Variants in KDR observed in about 807,000 individuals in gnomAD.
KDR encodes vascular endothelial growth factor receptor 2.
In KDR, 43 loss-of-function variants were observed where a neutral mutation model predicts 160.9. That is an observed-to-expected ratio of 0.27 (90% CI 0.21 to 0.34). KDR has a LOEUF of 0.34. KDR is among the 10% of genes least tolerant of loss of function. KDR has a pLI of 1.00. For missense variants in KDR, 1,469 were observed against 1,666.4 expected, an observed-to-expected ratio of 0.88 and a Z score of 2.06; for synonymous variants, 617 against 600.1, an observed-to-expected ratio of 1.03 and a Z score of -0.41.
At chr4:55,089,124 C>A in intron 25 of KDR, 151 bp from the exon 26 acceptor site, 1 of 729,296 alleles carries the variant, frequency 1.4e-6, no homozygotes. Flanking sequence ...GTCCCATACT[C>A]CAGAGGCTCA....
At position 55,110,700 on chromosome 4, in the gene KDR, T is replaced by G. The variant is rs1720558037; in HGVS notation, c.1045A>C (p.Arg349=). ...LVEATVGERV[R]IPAKYLGYPP... is the part of the protein sequence containing the mutation. ...TAACCAAGGTACTTCGCAGGGATTC[T>G]GACACGCTCCCCCACCGTGGCTTCC... The change falls in exon 8 of 30, where the codon AGA becomes CGA. Residue 349 remains arginine, a synonymous_variant. Coordinates refer to ENST00000263923, the MANE Select transcript of KDR (RefSeq NM_002253.4). 6 of 1,613,816 alleles carry G rather than the reference T, an allele frequency of 3.7e-6. No individual in the cohort carries two copies. The highest frequency in any genetic ancestry group is 5.1e-6 in the Non-Finnish European group (6 of 1,179,958).
chr4:55,106,567 T>G, intron 11 of KDR, 120 bp downstream of exon 11: 2 of 790,256 alleles, frequency 2.5e-6, no homozygotes, highest in South Asian at 3.0e-5. Context: ...AGTGACTTAA[T>G]ACGCTCTATT....
At chr4:55,099,298 G>C (rs1385861299) in intron 15 of KDR, among the ~76,000 whole-genome samples, 1 of 152,164 alleles carries the variant, frequency 6.6e-6, no homozygotes. Context: ...GGGATTACAG[G>C]CATAAGCCAC....
At chr4:55,090,857 T>C in intron 22 of KDR, among the ~76,000 whole-genome samples, 1 of 138,200 alleles carries the variant, frequency 7.2e-6, no homozygotes, top group African/African-American at 2.9e-5. Flanking sequence ...AACTTTTTTT[T>C]TTTTTTTTTT....
At chr4:55,096,506 T>C (rs1373214044) in intron 18 of KDR, 164 bp from the exon 19 acceptor site, 3 of 600,096 alleles carry the variant, frequency 5.0e-6, no homozygotes, top group Admixed American at 3.0e-5. Context: ...AAGTGTAAAT[T>C]CTATTTTCTA....
chr4:55,080,345 G>A (rs1460916501), intron 29 of KDR, among the ~76,000 whole-genome samples, 182 bp from the exon 30 acceptor site: 1 of 152,098 alleles, frequency 6.6e-6, no homozygotes. Context: ...TCAGGTACTC[G>A]CATGAATTAG....
At position 55,110,727 on chromosome 4, in the gene KDR, C is replaced by T. The variant is rs2110028076; in HGVS notation, c.1018G>A (p.Val340Met). The T allele has an allele frequency of 6.2e-7, 1 of 1,613,094 alleles. No homozygotes were observed. The highest frequency in any genetic ancestry group is 8.5e-7 in the Non-Finnish European group (1 of 1,179,844). ...VAFGSGMESL[V>M]EATVGERVRI... ...ACACGCTCCCCCACCGTGGCTTCCACCAGAGATTCCATGCCACTTCCAAAA... is the reference window on the plus strand; with the variant it reads ...ACACGCTCCCCCACCGTGGCTTCCATCAGAGATTCCATGCCACTTCCAAAA... The change falls in exon 8 of 30, where the codon GTG (valine) becomes ATG (methionine). Residue 340 changes from valine (V) to methionine (M), a missense_variant. Coordinates refer to ENST00000263923, the MANE Select transcript of KDR (RefSeq NM_002253.4).
rs192004692 is a variant in KDR at position 55,096,048 on chromosome 4, A to C, written c.2728+181T>G. ...GCATGACATTTCTTAATTCAGAGAA[A>C]GTTTTACAATAATTTAATTCTAGTG... On this transcript the variant is annotated intron_variant, in intron 19 of 29. Transcript: ENST00000263923. Among the ~76,000 whole-genome samples the C allele has an allele frequency of 7.4e-4, 113 of 152,324 alleles. No individual in the cohort carries two copies. In the Middle Eastern group the frequency reaches 0.01, roughly 14 times the overall value.
rs563532336 is a variant in KDR, at chr4:55,097,597, C to T, written c.2614+65G>A. ...ATAAGCACAAAGCTACTGATACAAG[C>T]CTTGCAACATATTTAAAGACTAGAT... On this transcript the variant is annotated intron_variant, in intron 18 of 29. Transcript: ENST00000263923. The T allele has an allele frequency of 5.7e-6, 6 of 1,055,270 alleles. No individual in the cohort carries two copies. The East Asian group carries it at 1.2e-4, about 21-fold the overall frequency. 65.4% of individuals were successfully genotyped at this position (1,055,270 alleles called of 1,614,324 possible). A position where few individuals can be genotyped will look rare whatever the true frequency, so the allele number is the denominator to read the frequency against.
intron 1 of KDR, among the ~76,000 whole-genome samples, chr4:55,123,706 T>C (rs1720954480): frequency 6.6e-6 from 1 of 152,326 alleles, no homozygotes; most frequent in Middle Eastern, 3.4e-3. Flanking sequence ...GAGGTACACA[T>C]GCTACTACTC....
In KDR at chr4:55,096,258, T is replaced by G; in HGVS notation, c.2699A>C (p.Asn900Thr). 1 of 1,613,416 alleles carries G rather than the reference T, an allele frequency of 6.2e-7. No homozygotes were observed. The highest frequency in any genetic ancestry group is 1.7e-5 in the Admixed American group (1 of 60,004). ...IHIGHHLNVVNLLGACTKPGG... is the reference protein window; with the variant it reads ...IHIGHHLNVVTLLGACTKPGG... ...TGGCTTGGTACAGGCACCTAGAAGG[T>G]TGACCACATTGAGATGGTGACCAAT... Residue 900 changes from asparagine (N) to threonine (T), a missense_variant, in exon 19 of 30, where the codon AAC becomes ACC. Asn to Thr is a moderately conservative substitution (Grantham distance 65). This residue lies in a region of KDR where 151 missense variants were observed against 207.2 expected (regional missense o/e 0.73). Transcript: ENST00000263923.
At chr4:55,081,336 A>G (rs908430883) in intron 29 of KDR, among the ~76,000 whole-genome samples, 5 of 152,188 alleles carry the variant, frequency 3.3e-5, no homozygotes, top group Admixed American at 1.3e-4. Context: ...CAGCAAATAC[A>G]TAACTACACT....
chr4:55,120,063 A>G (rs1720830035), intron 2 of KDR, among the ~76,000 whole-genome samples: 1 of 152,212 alleles, frequency 6.6e-6, no homozygotes, highest in Non-Finnish European at 1.5e-5. Context: ...GGAAAATCTA[A>G]TGGGAAATGT....
At chr4:55,107,605 G>A (rs1720476246) in intron 10 of KDR, 132 bp downstream of exon 10, 2 of 1,009,234 alleles carry the variant, frequency 2.0e-6, no homozygotes, top group Admixed American at 1.9e-5. Context: ...AAGATGGATG[G>A]AGATTCAGGC....
chr4:55,090,149 G>A (rs2110012021), intron 22 of KDR, 71 bp from the exon 23 acceptor site: 1 of 1,578,972 alleles, frequency 6.3e-7, no homozygotes, highest in South Asian at 1.1e-5. Context: ...GTGACCTCAT[G>A]CATCAAAAAA....
At chr4:55,105,742 CA>C in intron 12 of KDR, 89 bp downstream of exon 12, 1 of 835,354 alleles carries the variant, frequency 1.2e-6, no homozygotes, top group South Asian at 1.3e-5. Flanking sequence ...CCATGCCACT[CA>C]CATGAATGGC....
chr4:55,121,056 T>C (rs41449845), intron 2 of KDR, 41 bp downstream of exon 2: 2 of 1,333,870 alleles, frequency 1.5e-6, no homozygotes, highest in South Asian at 2.4e-5. Flanking sequence ...AAACAATCAG[T>C]TACTTAACAC....
intron 7 of KDR, among the ~76,000 whole-genome samples, chr4:55,111,644 A>G (rs543314690): frequency 6.6e-6 from 1 of 152,312 alleles, no homozygotes; most frequent in South Asian, 2.1e-4. Context: ...AACAAAAGTA[A>G]TTCTATAAAA....
At chr4:55,083,240 G>A (rs1302838444) in intron 27 of KDR, among the ~76,000 whole-genome samples, 1 of 152,146 alleles carries the variant, frequency 6.6e-6, no homozygotes, top group African/African-American at 2.4e-5. Flanking sequence ...TCAGGAAAGA[G>A]CAGTGGTTTG....
Sources: gnomAD v4.1 joint callset for allele counts (sites outside exome capture counted in the v4.1 genomes callset) on GRCh38, gnomAD v4.1.1 for gene constraint, gnomAD v4.1.1 regional missense constraint, MANE v1.5 for transcripts, NCBI Gene and HGNC (gene_info 2026-07-23, HGNC 2026-07-21) for gene names.